Variants in SPDYA observed in about 807,000 individuals in gnomAD.
SPDYA encodes the protein speedy/RINGO cell cycle regulator family member A, also known as speedy protein A.
In SPDYA, 11 loss-of-function variants were observed where a neutral mutation model predicts 36.7. The observed-to-expected ratio is 0.30, with a 90% CI of 0.19 to 0.50. The LOEUF (loss-of-function observed/expected upper bound fraction) is 0.50, where lower values mean the gene tolerates loss of function less well. Ranked by LOEUF, SPDYA falls within the 20% of genes least tolerant of loss-of-function variation. SPDYA has a pLI of 0.98. For missense variants in SPDYA, 287 were observed against 370.9 expected (o/e 0.77, Z 1.86); for synonymous variants, 115 against 118.7 (o/e 0.97, Z 0.20).
At chr2:28,824,243 T>C (rs1009515998) in intron 5 of SPDYA, among the ~76,000 whole-genome samples, 1 of 151,868 alleles carries the variant, frequency 6.6e-6, no homozygotes. Context: ...TTTGGGAGGC[T>C]GGGGCGGAAG....
At chr2:28,824,491 A>AC (rs70956052) in intron 5 of SPDYA, among the ~76,000 whole-genome samples, 2 of 96,990 alleles carry the variant, frequency 2.1e-5, no homozygotes, top group Non-Finnish European at 4.0e-5. Context: ...AAAAAAAAAA[A>AC]CAAAAAAAAA....
At chr2:28,819,015 T>C (rs1237565391) in intron 3 of SPDYA, 33 bp from the exon 4 acceptor site, 11 of 1,541,692 alleles carry the variant, frequency 7.1e-6, no homozygotes, top group African/African-American at 1.4e-5. Context: ...ATTCTGTTTT[T>C]AAAAGACAAG....
chr2:28,840,688 T>C (rs1668728808), intron 7 of SPDYA: 1 of 1,289,634 alleles, frequency 7.8e-7, no homozygotes, highest in African/African-American at 1.5e-5. Flanking sequence ...CTATGTTAAG[T>C]TGAAAACTAA....
chr2:28,823,745 A>ATATATATATATATAT (rs1491479223), intron 5 of SPDYA, among the ~76,000 whole-genome samples: 33 of 42,804 alleles, frequency 7.7e-4, no homozygotes, highest in Non-Finnish European at 1.2e-3. Flanking sequence ...ATATATATAT[A>ATATATATATATATAT]AAATTTTTTT....
At chr2:28,844,193 G>A (rs1668817673) in intron 7 of SPDYA, among the ~76,000 whole-genome samples, 1 of 152,162 alleles carries the variant, frequency 6.6e-6, no homozygotes. Context: ...TGTGATAAGG[G>A]CTGTGCTAAG....
intron 7 of SPDYA, among the ~76,000 whole-genome samples, chr2:28,847,227 C>T (rs1668899947): frequency 6.6e-6 from 1 of 151,978 alleles, no homozygotes; most frequent in Non-Finnish European, 1.5e-5. Flanking sequence ...TCTGTAATCC[C>T]AGCTACTTGG....
intron 5 of SPDYA, among the ~76,000 whole-genome samples, chr2:28,823,293 A>G (rs1188641952): frequency 1.3e-5 from 2 of 152,132 alleles, no homozygotes; most frequent in African/African-American, 4.8e-5. Flanking sequence ...TTTCCAATCT[A>G]TAGGTCAGAA....
intron 6 of SPDYA, among the ~76,000 whole-genome samples, chr2:28,836,423 G>A (rs535384296): frequency 6.6e-6 from 1 of 152,326 alleles, no homozygotes; most frequent in African/African-American, 2.4e-5. Context: ...CCATGGCCAT[G>A]AAGTTAATAA....
intron 6 of SPDYA, among the ~76,000 whole-genome samples, chr2:28,829,528 C>A (rs186232273): frequency 6.6e-6 from 1 of 151,884 alleles, no homozygotes; most frequent in Non-Finnish European, 1.5e-5. Context: ...AACTGTCAAC[C>A]GGGCAAGCCC....
chr2:28,823,727 ATATATATATATATATAT>A (rs1558324017), intron 5 of SPDYA, among the ~76,000 whole-genome samples: 32 of 109,700 alleles, frequency 2.9e-4, no homozygotes, highest in Non-Finnish European at 3.8e-4. Flanking sequence ...ATATATATAT[ATATATATATATATATAT>A]AAAATTTTTT....
At chr2:28,843,217 T>C (rs1668789010) in intron 7 of SPDYA, among the ~76,000 whole-genome samples, 1 of 152,182 alleles carries the variant, frequency 6.6e-6, no homozygotes, top group Non-Finnish European at 1.5e-5. Context: ...CAAAATATTT[T>C]TCAATTTGAC....
intron 5 of SPDYA, among the ~76,000 whole-genome samples, chr2:28,828,551 T>C (rs912570815): frequency 2.0e-5 from 3 of 152,244 alleles, no homozygotes; most frequent in Non-Finnish European, 4.4e-5. Flanking sequence ...GGTATCAGTT[T>C]GGGGTTGATT....
At chr2:28,820,621 T>C (rs1199688474) in intron 4 of SPDYA, among the ~76,000 whole-genome samples, 2 of 152,140 alleles carry the variant, frequency 1.3e-5, no homozygotes, top group East Asian at 3.9e-4. Context: ...ATTTCAGCTT[T>C]GTATTTTTCA....
At chr2:28,819,838 AAAAAAAAAAAAATATATATATATATAT>A (rs1668091718) in intron 4 of SPDYA, among the ~76,000 whole-genome samples, 1 of 49,610 alleles carries the variant, frequency 2.0e-5, no homozygotes, top group African/African-American at 8.3e-5. Context: ...AAAAAAAAAA[AAAAAAAAAAAAATATATATATATATAT>A]ATATATATAT....
At chr2:28,826,611 C>CTCTT (rs1553315436) in intron 5 of SPDYA, among the ~76,000 whole-genome samples, 4 of 75,326 alleles carry the variant, frequency 5.3e-5, no homozygotes, top group African/African-American at 2.4e-4. Context: ...TTCTTTCTCT[C>CTCTT]TTTTTTTTTT....
At chr2:28,829,843 C>G (rs998279677) in intron 6 of SPDYA, among the ~76,000 whole-genome samples, 3 of 149,350 alleles carry the variant, frequency 2.0e-5, no homozygotes, top group African/African-American at 7.4e-5. Context: ...ACTTGGGAGG[C>G]TGAGGCAGGA....
chr2:28,840,902 C>T (rs991407249), intron 7 of SPDYA: 3 of 450,674 alleles, frequency 6.7e-6, no homozygotes, highest in African/African-American at 6.4e-5. Flanking sequence ...AGTATTTTCC[C>T]ATGTCATTAT....
chr2:28,824,708 G>C (rs572140758), intron 5 of SPDYA, among the ~76,000 whole-genome samples: 2 of 151,502 alleles, frequency 1.3e-5, no homozygotes, highest in Admixed American at 6.6e-5. Flanking sequence ...CACCACGCCC[G>C]GCTAATTTTT....
intron 1 of SPDYA, among the ~76,000 whole-genome samples, chr2:28,814,325 T>C (rs1360146054): frequency 6.6e-6 from 1 of 152,102 alleles, no homozygotes; most frequent in African/African-American, 2.4e-5. Context: ...TATAAGCATA[T>C]TCATCTAAAG....
Sources: allele counts gnomAD v4.1 joint callset (sites outside exome capture counted in the v4.1 genomes callset), GRCh38; gene constraint gnomAD v4.1.1; transcripts MANE v1.5; gene names NCBI Gene and HGNC (gene_info 2026-07-23, HGNC 2026-07-21).